The following SORCS1 variants were observed in gnomAD, a reference collection of about 807,000 sequenced individuals.
SORCS1 encodes sortilin related VPS10 domain containing receptor 1.
Under a neutral mutation model 146.1 loss-of-function variants are expected in SORCS1, and 60 were observed. The ratio of observed to expected loss-of-function variants is 0.41; its 90% CI spans 0.33 to 0.51. The LOEUF is 0.51. SORCS1 is among the 20% of genes least tolerant of loss of function. The pLI is 0.21. For missense variants in SORCS1, 1,352 were observed against 1,487.6 expected (o/e 0.91, Z 1.50); for synonymous variants, 637 against 584.0 (o/e 1.09, Z -1.31).
intron 17 of SORCS1, among the ~76,000 whole-genome samples, chr10:106,663,929 T>C (rs1047473501): frequency 6.6e-6 from 1 of 152,252 alleles, no homozygotes; most frequent in Non-Finnish European, 1.5e-5. Context: ...ATCTTACTTA[T>C]GAGAGCAGGA....
chr10:107,176,490 T>A, the SORCS1 span, among the ~76,000 whole-genome samples: 1 of 151,854 alleles, frequency 6.6e-6, no homozygotes, highest in Non-Finnish European at 1.5e-5. Context: ...CGGGCACTAC[T>A]ACGCCTGGCT....
intron 2 of SORCS1, among the ~76,000 whole-genome samples, chr10:106,842,708 C>T (rs1949105417): frequency 6.6e-6 from 1 of 152,098 alleles, no homozygotes; most frequent in Non-Finnish European, 1.5e-5. Flanking sequence ...CCTCCGCCTC[C>T]CAGTTTCAAG....
At chr10:106,627,536 T>C (rs996476683) in intron 19 of SORCS1, among the ~76,000 whole-genome samples, 1 of 152,202 alleles carries the variant, frequency 6.6e-6, no homozygotes, top group Admixed American at 6.5e-5. Flanking sequence ...GATTTTAGTA[T>C]GATCATTTCT....
chr10:107,124,917 C>T (rs12354904), intron 1 of SORCS1, among the ~76,000 whole-genome samples: 1 of 150,998 alleles, frequency 6.6e-6, no homozygotes, highest in Non-Finnish European at 1.5e-5. Context: ...ACTGCCCACT[C>T]TGCTCAGCTT....
chr10:106,700,287 C>A (rs1854039766), intron 8 of SORCS1, among the ~76,000 whole-genome samples: 1 of 152,134 alleles, frequency 6.6e-6, no homozygotes. Flanking sequence ...ACAATGGAAG[C>A]TACCACAGTC....
chr10:106,968,441 C>T (rs1035885004), intron 1 of SORCS1, among the ~76,000 whole-genome samples: 9 of 152,216 alleles, frequency 5.9e-5, no homozygotes, highest in African/African-American at 1.9e-4. Context: ...AGTGAACACA[C>T]TATTAAGCAG....
At chr10:106,952,833 A>T (rs1216797918) in intron 2 of SORCS1, among the ~76,000 whole-genome samples, 1 of 151,332 alleles carries the variant, frequency 6.6e-6, no homozygotes, top group Non-Finnish European at 1.5e-5. Context: ...ATAATAAAAA[A>T]TTAGCCTAGG....
At chr10:106,840,176 G>T (rs1431043011) in intron 2 of SORCS1, among the ~76,000 whole-genome samples, 1 of 152,146 alleles carries the variant, frequency 6.6e-6, no homozygotes, top group Non-Finnish European at 1.5e-5. Flanking sequence ...GAAAGATCTG[G>T]GGGCAAAATA....
At chr10:106,803,055 C>A (rs1352986593) in intron 3 of SORCS1, among the ~76,000 whole-genome samples, 5 of 152,192 alleles carry the variant, frequency 3.3e-5, no homozygotes, top group Admixed American at 3.3e-4. Flanking sequence ...GACTGGGCTA[C>A]TTCTCTTTCA....
chr10:106,888,772 C>T (rs1462569445), intron 2 of SORCS1, among the ~76,000 whole-genome samples: 2 of 152,188 alleles, frequency 1.3e-5, no homozygotes, highest in Non-Finnish European at 2.9e-5. Flanking sequence ...TATCTTATAT[C>T]CTCAGATTGT....
At chr10:107,034,680 CAAAAAAA>C (rs553032484) in intron 1 of SORCS1, among the ~76,000 whole-genome samples, 22 of 13,784 alleles carry the variant, frequency 1.6e-3, no homozygotes, top group African/African-American at 3.2e-3. Context: ...AACTCCATCT[CAAAAAAA>C]AAAAAAAAAA....
At chr10:106,750,452 C>A (rs1039779139) in intron 5 of SORCS1, among the ~76,000 whole-genome samples, 15 of 151,852 alleles carry the variant, frequency 9.9e-5, no homozygotes, top group Admixed American at 9.8e-4. Flanking sequence ...GAGGAGGGGC[C>A]GGGCGCAGTG....
chr10:106,626,504 G>A (rs1848122686), intron 19 of SORCS1, among the ~76,000 whole-genome samples: 1 of 152,060 alleles, frequency 6.6e-6, no homozygotes. Context: ...ATGGCACTTT[G>A]GCATCCACAG....
intron 4 of SORCS1, 103 bp from the exon 5 acceptor site, chr10:106,761,764 T>C: frequency 1.0e-6 from 1 of 972,110 alleles, no homozygotes; most frequent in African/African-American, 1.6e-5. Flanking sequence ...ACCCAACATT[T>C]ACTGAACACC....
chr10:106,837,911 T>A (rs1390548443), intron 2 of SORCS1, among the ~76,000 whole-genome samples: 2 of 152,076 alleles, frequency 1.3e-5, no homozygotes, highest in Non-Finnish European at 2.9e-5. Flanking sequence ...CCTAGGTGCT[T>A]TTATTTTCTG....
rs1853014110 is a variant in SORCS1 at position 106,688,209 on chromosome 10, G to T, written c.1543C>A (p.Pro515Thr). The change falls in exon 10 of 26, where the codon CCC becomes ACC. Residue 515 changes from proline to threonine, a missense_variant. Transcript: ENST00000263054. ...QAPDTDLRGD[P>T]VHCLLPYCSL... Reference sequence around the variant, plus strand: ...AGACTCACCAGCAAGCAGTGCACGGGGTCCCCCCTTAGATCCGTGTCCGGC... The same window carrying T: ...AGACTCACCAGCAAGCAGTGCACGGTGTCCCCCCTTAGATCCGTGTCCGGC... 1 of 1,613,744 alleles carries T rather than the reference G, an allele frequency of 6.2e-7. No individual in the cohort carries two copies. The highest frequency in any genetic ancestry group is 1.7e-5 in the Admixed American group (1 of 59,972).
intron 1 of SORCS1, among the ~76,000 whole-genome samples, chr10:107,048,134 C>T (rs1001597058): frequency 6.6e-6 from 1 of 151,948 alleles, no homozygotes; most frequent in African/African-American, 2.4e-5. Flanking sequence ...GGGGCCTTTC[C>T]TTCTTTCTAA....
intron 2 of SORCS1, among the ~76,000 whole-genome samples, chr10:106,930,366 C>T (rs58297897): frequency 6.6e-6 from 1 of 152,038 alleles, no homozygotes; most frequent in African/African-American, 2.4e-5. Flanking sequence ...TCACTCCTAA[C>T]AGACTCATTA....
At chr10:106,642,991 C>T (rs765164376) in intron 18 of SORCS1, among the ~76,000 whole-genome samples, 1 of 152,174 alleles carries the variant, frequency 6.6e-6, no homozygotes, top group Non-Finnish European at 1.5e-5. Context: ...ATCTTTGTGA[C>T]TACTTATAAT....
Sources: allele counts gnomAD v4.1 joint callset (sites outside exome capture counted in the v4.1 genomes callset), GRCh38; gene constraint gnomAD v4.1.1; transcripts MANE v1.5; gene names NCBI Gene and HGNC (gene_info 2026-07-23, HGNC 2026-07-21).